CWC27: variants seen among roughly 807,000 people sequenced by gnomAD.
The protein encoded by CWC27 is CWC27 spliceosome associated cyclophilin, also known as spliceosome-associated protein CWC27 homolog.
Under a neutral mutation model 63.6 loss-of-function variants are expected in CWC27, and 47 were observed. The observed-to-expected ratio is 0.74, with a 90% CI of 0.58 to 0.94. The LOEUF is 0.94. CWC27 is among the 40% of genes least tolerant of loss of function. CWC27 has a pLI of 0.00. For synonymous variants in CWC27, 175 were observed against 179.8 expected, an observed-to-expected ratio of 0.97 and a Z score of 0.22; for missense variants, 495 against 554.3, an observed-to-expected ratio of 0.89 and a Z score of 1.07.
intron 10 of CWC27, among the ~76,000 whole-genome samples, chr5:64,813,700 C>T (rs181533005): frequency 2.6e-5 from 4 of 152,218 alleles, no homozygotes; most frequent in South Asian, 2.1e-4. Flanking sequence ...GTCTCTACCC[C>T]GGAACAAATA....
In CWC27 at chr5:64,940,842, CTTTTTTTTTTTTTTTT is replaced by C. The variant is rs70983655; in HGVS notation, c.1043-30852_1043-30837del. On this transcript the variant is annotated intron_variant, in intron 11 of 13. Coordinates refer to ENST00000381070, the MANE Select transcript of CWC27 (RefSeq NM_005869.4). ...AAGCTGGCTTTTTCTTTCTTTCTTT[CTTTTTTTTTTTTTTTT>C]TTTTTTTTGAGACAGTCTTACTTTG... Among the ~76,000 whole-genome samples, 35 of 64,980 alleles carry C rather than the reference CTTTTTTTTTTTTTTTT, an allele frequency of 5.4e-4. No homozygotes were observed. In the East Asian group the frequency reaches 0.015, roughly 28 times the overall value. 42.6% of individuals were successfully genotyped at this position (64,980 alleles called of 152,430 possible).
chr5:64,969,134 G>A (rs535969266), intron 11 of CWC27, among the ~76,000 whole-genome samples: 66 of 152,294 alleles, frequency 4.3e-4, no homozygotes, highest in African/African-American at 7.5e-4. Flanking sequence ...AAGAAGATGC[G>A]TGTGAAACAT....
At chr5:64,904,279 C>A (rs1164163380) in intron 11 of CWC27, among the ~76,000 whole-genome samples, 1 of 152,126 alleles carries the variant, frequency 6.6e-6, no homozygotes, top group Non-Finnish European at 1.5e-5. Flanking sequence ...ACAAGTGACT[C>A]CAAAATTAAC....
rs547609542 is a variant in CWC27 at position 64,805,376 on chromosome 5, A to G, written c.938+990A>G. Among the ~76,000 whole-genome samples the G allele has an allele frequency of 2.6e-3, 395 of 151,672 alleles. 3 individuals are homozygous for G. The highest frequency in any genetic ancestry group is 4.3e-3 in the Non-Finnish European group (291 of 67,820). Reference sequence around the variant, plus strand: ...TTACATACTAGATTATATTATATATACCATACATAGTAGCTAATATAGACT... The same window carrying G: ...TTACATACTAGATTATATTATATATGCCATACATAGTAGCTAATATAGACT... On this transcript the variant is annotated intron_variant, in intron 10 of 13. Transcript: ENST00000381070.
chr5:64,850,053 A>C (rs1299945405), intron 10 of CWC27, among the ~76,000 whole-genome samples: 1 of 152,166 alleles, frequency 6.6e-6, no homozygotes. Context: ...AAATAGAAAA[A>C]ATAATCTTAA....
intron 11 of CWC27, among the ~76,000 whole-genome samples, chr5:64,957,013 G>A (rs13166212): frequency 0.39 from 58,529 of 151,888 alleles, 11,771 homozygotes; most frequent in Non-Finnish European, 0.45. Context: ...CTACTTTATT[G>A]CTTCAGTTTC....
chr5:64,943,609 G>A (rs549245952), intron 11 of CWC27, among the ~76,000 whole-genome samples: 14 of 152,148 alleles, frequency 9.2e-5, no homozygotes, highest in African/African-American at 2.9e-4. Flanking sequence ...CACACTTTTG[G>A]ACATTTTGGA....
At chr5:64,791,415 G>A (rs926008606) in intron 7 of CWC27, among the ~76,000 whole-genome samples, 1 of 151,844 alleles carries the variant, frequency 6.6e-6, no homozygotes, top group African/African-American at 2.4e-5. Context: ...TTGCGTTTCA[G>A]ATTGAAATGT....
intron 11 of CWC27, among the ~76,000 whole-genome samples, chr5:64,907,900 A>C (rs1351223644): frequency 6.6e-6 from 1 of 151,854 alleles, no homozygotes; most frequent in Non-Finnish European, 1.5e-5. Flanking sequence ...TTCTGCTCTG[A>C]TCTTAATTAT....
intron 13 of CWC27, among the ~76,000 whole-genome samples, chr5:64,989,520 G>T (rs193226142): frequency 2.0e-5 from 3 of 152,306 alleles, no homozygotes; most frequent in East Asian, 1.9e-4. Flanking sequence ...GCCTTGATAT[G>T]GTTCACCAGA....
chr5:64,942,455 A>G (rs985104358), intron 11 of CWC27, among the ~76,000 whole-genome samples: 2 of 148,700 alleles, frequency 1.3e-5, no homozygotes, highest in Non-Finnish European at 3.0e-5. Flanking sequence ...AAAAAAAAAA[A>G]AAAAAGATAA....
intron 11 of CWC27, among the ~76,000 whole-genome samples, chr5:64,930,674 C>T (rs1259709074): frequency 1.3e-5 from 2 of 152,140 alleles, no homozygotes; most frequent in Non-Finnish European, 2.9e-5. Flanking sequence ...AGTATATTGG[C>T]ATGATCACAA....
chr5:64,966,427 A>T lies in CWC27; in HGVS notation c.1043-5276A>T, dbSNP rs565905453. 5.9e-5 allele frequency among the ~76,000 whole-genome samples: 9 copies of T among 152,248 alleles called. No individual in the cohort carries two copies. In the South Asian group the frequency reaches 1.4e-3, roughly 25 times the overall value. On this transcript the variant is annotated intron_variant, in intron 11 of 13. Transcript: ENST00000381070. Reference sequence around the variant, plus strand: ...ACTTTCATAATTTAATCTGAATGAGATAGTAATAATAGTTTGTTAGGTGTT... The same window carrying T: ...ACTTTCATAATTTAATCTGAATGAGTTAGTAATAATAGTTTGTTAGGTGTT...
chr5:64,793,082 C>T (rs1238421986), intron 7 of CWC27, among the ~76,000 whole-genome samples: 2 of 151,990 alleles, frequency 1.3e-5, no homozygotes, highest in African/African-American at 2.4e-5. Context: ...GAATCTTATG[C>T]CCTTATGCCC....
intron 10 of CWC27, among the ~76,000 whole-genome samples, chr5:64,820,286 G>A (rs901908954): frequency 6.6e-6 from 1 of 152,168 alleles, no homozygotes; most frequent in Non-Finnish European, 1.5e-5. Flanking sequence ...GGCTCTTTAA[G>A]GTGAAACAAC....
At chr5:64,966,082 G>A (rs908499903) in intron 11 of CWC27, among the ~76,000 whole-genome samples, 1 of 152,074 alleles carries the variant, frequency 6.6e-6, no homozygotes, top group Admixed American at 6.5e-5. Flanking sequence ...GTTAAAATGT[G>A]AGAAATGCAG....
intron 4 of CWC27, 97 bp downstream of exon 4, chr5:64,784,076 A>T: frequency 9.2e-7 from 1 of 1,086,306 alleles, no homozygotes; most frequent in Non-Finnish European, 1.3e-6. Context: ...TCTAAGAGCT[A>T]CCTTTGTAAA....
At chr5:64,981,086 C>G (rs897753078) in intron 13 of CWC27, among the ~76,000 whole-genome samples, 4 of 151,182 alleles carry the variant, frequency 2.6e-5, no homozygotes, top group Non-Finnish European at 4.4e-5. Flanking sequence ...AGCAAAACTC[C>G]GTCTCAAAAA....
At chr5:64,847,572 AG>A (rs1200941703) in intron 10 of CWC27, among the ~76,000 whole-genome samples, 1 of 152,216 alleles carries the variant, frequency 6.6e-6, no homozygotes, top group Non-Finnish European at 1.5e-5. Context: ...TCCGTTCAAC[AG>A]CAACAGAATA....
Sources: allele counts gnomAD v4.1 joint callset (sites outside exome capture counted in the v4.1 genomes callset), GRCh38; gene constraint gnomAD v4.1.1; transcripts MANE v1.5; gene names NCBI Gene and HGNC (gene_info 2026-07-23, HGNC 2026-07-21).